Variants in PLCB1 observed in about 807,000 individuals in gnomAD.
The protein encoded by PLCB1 is 1-phosphatidylinositol 4,5-bisphosphate phosphodiesterase beta-1.
PLCB1 carries 46 observed loss-of-function variants against 161.8 expected under a neutral mutation model. That is an observed-to-expected ratio of 0.28 (90% CI 0.22 to 0.36). The LOEUF (loss-of-function observed/expected upper bound fraction) is 0.36, where lower values mean the gene tolerates loss of function less well. Ranked by LOEUF, PLCB1 falls within the 10% of genes least tolerant of loss-of-function variation. The probability of loss-of-function intolerance (pLI) is 1.00; values close to 1 mark genes in which losing one functional copy is unlikely to be tolerated. For missense variants in PLCB1, 1,016 were observed against 1,472.5 expected, an observed-to-expected ratio of 0.69 and a Z score of 5.07; for synonymous variants, 517 against 503.7, an observed-to-expected ratio of 1.03 and a Z score of -0.35.
chr20:8,320,708 A>G (rs907777643), intron 2 of PLCB1, among the ~76,000 whole-genome samples: 6 of 152,120 alleles, frequency 3.9e-5, no homozygotes, highest in African/African-American at 1.4e-4. Context: ...CATATCTAAT[A>G]AGACTTTCCT....
intron 9 of PLCB1, among the ~76,000 whole-genome samples, chr20:8,666,741 T>C (rs1989821090): frequency 6.6e-6 from 1 of 152,206 alleles, no homozygotes; most frequent in African/African-American, 2.4e-5. Flanking sequence ...TCTATAGCAG[T>C]GGTTTCCAAG....
chr20:8,475,883 C>T (rs759086260), intron 3 of PLCB1, among the ~76,000 whole-genome samples: 2 of 152,198 alleles, frequency 1.3e-5, no homozygotes, highest in Non-Finnish European at 2.9e-5. Flanking sequence ...CAATCATGCA[C>T]ATGGCTGCTT....
chr20:8,139,211 G>A (rs1231022831), intron 1 of PLCB1, among the ~76,000 whole-genome samples: 1 of 148,526 alleles, frequency 6.7e-6, no homozygotes, highest in African/African-American at 2.5e-5. Flanking sequence ...CTCAGCCTCC[G>A]GAGTATCTGG....
intron 3 of PLCB1, among the ~76,000 whole-genome samples, chr20:8,564,739 C>T (rs978455157): frequency 1.3e-5 from 2 of 152,108 alleles, no homozygotes; most frequent in Non-Finnish European, 2.9e-5. Flanking sequence ...GAAAAAAAAG[C>T]TCATCATCAC....
intron 3 of PLCB1, among the ~76,000 whole-genome samples, chr20:8,517,971 C>T (rs1984203446): frequency 6.6e-6 from 1 of 152,056 alleles, no homozygotes; most frequent in African/African-American, 2.4e-5. Context: ...ATCATGAGAT[C>T]AAGAGATCAA....
At chr20:8,263,808 G>A (rs540130492) in intron 2 of PLCB1, among the ~76,000 whole-genome samples, 97 of 152,308 alleles carry the variant, frequency 6.4e-4, no homozygotes, top group African/African-American at 1.9e-3. Flanking sequence ...CACTTACCAT[G>A]AATGGAGCTC....
chr20:8,136,453 CCT>C (rs1491443448), intron 1 of PLCB1, among the ~76,000 whole-genome samples: 2 of 151,968 alleles, frequency 1.3e-5, no homozygotes, highest in African/African-American at 4.8e-5. Context: ...GGTGAAACCC[CCT>C]CTCTACTAAA....
At chr20:8,310,592 TTTTG>T (rs1043934877) in intron 2 of PLCB1, among the ~76,000 whole-genome samples, 1 of 152,154 alleles carries the variant, frequency 6.6e-6, no homozygotes, top group African/African-American at 2.4e-5. Flanking sequence ...ATCATTTATC[TTTTG>T]TTTGTTTTGT....
intron 2 of PLCB1, among the ~76,000 whole-genome samples, chr20:8,216,918 C>T (rs1447360148): frequency 1.3e-5 from 2 of 152,132 alleles, no homozygotes; most frequent in African/African-American, 4.8e-5. Flanking sequence ...CTTTGACATG[C>T]CACAACTAGT....
intron 3 of PLCB1, among the ~76,000 whole-genome samples, chr20:8,563,114 A>T (rs144184360): frequency 6.6e-6 from 1 of 152,228 alleles, no homozygotes; most frequent in Non-Finnish European, 1.5e-5. Flanking sequence ...ACTGGGTAAT[A>T]AAGTAGCCAA....
intron 3 of PLCB1, among the ~76,000 whole-genome samples, chr20:8,524,076 A>G (rs1984487815): frequency 6.6e-6 from 1 of 152,116 alleles, no homozygotes; most frequent in South Asian, 2.1e-4. Context: ...AACAAAGTAT[A>G]AAATACAAAC....
At chr20:8,742,269 A>C (rs6108185) in intron 23 of PLCB1, among the ~76,000 whole-genome samples, 2,392 of 152,252 alleles carry the variant, frequency 0.016, 62 homozygotes, top group African/African-American at 0.053. Context: ...ATAGTGATAA[A>C]AATTTGCTAT....
At chr20:8,865,855 C>T (rs766671584) in intron 31 of PLCB1, among the ~76,000 whole-genome samples, 4 of 152,112 alleles carry the variant, frequency 2.6e-5, no homozygotes, top group Non-Finnish European at 5.9e-5. Flanking sequence ...CAGCAGACAC[C>T]GTGGACAGGT....
At chr20:8,744,411 C>T (rs1477605893) in intron 23 of PLCB1, among the ~76,000 whole-genome samples, 15 of 151,954 alleles carry the variant, frequency 9.9e-5, no homozygotes, top group Admixed American at 9.8e-4. Flanking sequence ...TATTGTCTGA[C>T]TCACATGTTC....
chr20:8,726,611 A>G (rs1468386933), intron 16 of PLCB1, among the ~76,000 whole-genome samples: 2 of 152,016 alleles, frequency 1.3e-5, no homozygotes, highest in African/African-American at 4.8e-5. Flanking sequence ...TCATGAGACT[A>G]ATGCATTATC....
At chr20:8,783,737 G>A (rs958979536) in intron 27 of PLCB1, among the ~76,000 whole-genome samples, 2 of 152,124 alleles carry the variant, frequency 1.3e-5, no homozygotes, top group African/African-American at 4.8e-5. Context: ...AGCAAGACAG[G>A]CTTCCCCTTG....
In PLCB1 at chr20:8,697,771, A is replaced by G; in HGVS notation, c.1155A>G (p.Glu385=). 1 of 1,614,166 alleles carries G rather than the reference A, an allele frequency of 6.2e-7. No individual in the cohort carries two copies. The highest frequency in any genetic ancestry group is 1.1e-5 in the South Asian group (1 of 91,084). ...VITHGFTMTT[E]ISFKEVIEAI... The stretch of plus-strand genomic sequence containing the variant: ...CCCATGGCTTCACCATGACAACTGA[A>G]ATATCTTTCAAGGTAGAGTATATGA... The change falls in exon 11 of 32, where the codon GAA becomes GAG. Residue 385 remains glutamate (E), a synonymous_variant. Coordinates refer to ENST00000338037, the MANE Select transcript of PLCB1 (RefSeq NM_015192.4).
At chr20:8,788,900 G>A (rs533444752) in intron 29 of PLCB1, among the ~76,000 whole-genome samples, 178 bp downstream of exon 29, 349 of 152,228 alleles carry the variant, frequency 2.3e-3, no homozygotes, top group African/African-American at 8.1e-3. Context: ...GCAAAGACTG[G>A]TTCAATAAAG....
At chr20:8,721,086 A>G (rs1402956532) in intron 14 of PLCB1, among the ~76,000 whole-genome samples, 1 of 152,210 alleles carries the variant, frequency 6.6e-6, no homozygotes, top group Non-Finnish European at 1.5e-5. Context: ...GGTCCCAGAA[A>G]TCTTTTTTCC....
Sources: gnomAD v4.1 joint callset for allele counts (sites outside exome capture counted in the v4.1 genomes callset) on GRCh38, gnomAD v4.1.1 for gene constraint, MANE v1.5 for transcripts, NCBI Gene and HGNC (gene_info 2026-07-23, HGNC 2026-07-21) for gene names.